The following MAN1A1 variants were observed in gnomAD, a reference collection of about 807,000 sequenced individuals.
The protein encoded by MAN1A1 is mannosyl-oligosaccharide 1,2-alpha-mannosidase IA.
Under a neutral mutation model 70.8 loss-of-function variants are expected in MAN1A1, and 29 were observed. That is an observed-to-expected ratio of 0.41 (90% CI 0.31 to 0.56). The LOEUF is 0.56. MAN1A1 is among the 20% of genes least tolerant of loss of function. The pLI is 0.29. For missense variants in MAN1A1, 747 were observed against 841.3 expected (o/e 0.89, Z 1.39); for synonymous variants, 349 against 330.1 (o/e 1.06, Z -0.62).
At chr6:119,232,234 G>A (rs1263405150) in intron 6 of MAN1A1, among the ~76,000 whole-genome samples, 1 of 151,912 alleles carries the variant, frequency 6.6e-6, no homozygotes, top group Admixed American at 6.6e-5. Flanking sequence ...TTAGCCGGGC[G>A]TGGTGGTGGG....
At chr6:119,219,542 T>A (rs1466629933) in intron 6 of MAN1A1, among the ~76,000 whole-genome samples, 1 of 152,086 alleles carries the variant, frequency 6.6e-6, no homozygotes, top group African/African-American at 2.4e-5. Context: ...AACATTTTTA[T>A]CTTTTTGGAT....
intron 6 of MAN1A1, among the ~76,000 whole-genome samples, chr6:119,211,844 A>ATTT (rs572097707): frequency 2.8e-5 from 4 of 141,614 alleles, no homozygotes; most frequent in African/African-American, 7.7e-5. Context: ...AATAGTAGGA[A>ATTT]TTTTTTTTTT....
rs1337604407 is a variant in MAN1A1 at position 119,179,368 on chromosome 6, A to G, written c.*451T>C. The G allele has an allele frequency of 6.5e-6, 1 of 153,376 alleles. No individual in the cohort carries two copies. The highest frequency in any genetic ancestry group is 1.5e-5 in the Non-Finnish European group (1 of 68,540). 9.5% of individuals were successfully genotyped at this position (153,376 alleles called of 1,614,324 possible). ...TGGTGGACAGACAAACCAGATTAAC[A>G]TGAAATTGTAAAGGAAAAAGCTTTT... On this transcript the variant is annotated 3_prime_UTR_variant, in exon 13 of 13. Coordinates refer to ENST00000368468, the MANE Select transcript of MAN1A1 (RefSeq NM_005907.4).
intron 7 of MAN1A1, among the ~76,000 whole-genome samples, chr6:119,203,343 G>A (rs1038546885): frequency 3.9e-5 from 6 of 152,010 alleles, no homozygotes; most frequent in African/African-American, 9.7e-5. Context: ...AAGAGCACTC[G>A]GAACAGAGAG....
At chr6:119,269,282 G>A in intron 5 of MAN1A1, 1 of 291,336 alleles carries the variant, frequency 3.4e-6, no homozygotes, top group Non-Finnish European at 6.8e-6. Flanking sequence ...GGCTGTCACT[G>A]CCTGGTACTT....
At chr6:119,318,007 T>C (rs546517882) in intron 2 of MAN1A1, among the ~76,000 whole-genome samples, 2 of 152,324 alleles carry the variant, frequency 1.3e-5, no homozygotes, top group African/African-American at 4.8e-5. Flanking sequence ...AATCCTTTCA[T>C]ACTGCTGATA....
At chr6:119,302,135 A>G (rs1318513508) in intron 3 of MAN1A1, 32 bp from the exon 4 acceptor site, 1 of 1,082,060 alleles carries the variant, frequency 9.2e-7, no homozygotes, top group Admixed American at 1.9e-5. Flanking sequence ...TTGATAAAAT[A>G]CTTTGCCTAG....
intron 2 of MAN1A1, among the ~76,000 whole-genome samples, chr6:119,319,717 C>A (rs900296672): frequency 2.6e-5 from 4 of 152,180 alleles, no homozygotes; most frequent in Non-Finnish European, 5.9e-5. Context: ...ATTTACCCCA[C>A]AACCAAACCT....
intron 5 of MAN1A1, among the ~76,000 whole-genome samples, chr6:119,289,218 C>T (rs753384042): frequency 5.3e-5 from 8 of 151,598 alleles, no homozygotes; most frequent in Non-Finnish European, 1.2e-4. Flanking sequence ...CTTTATTATC[C>T]TAATTGAGCC....
intron 7 of MAN1A1, among the ~76,000 whole-genome samples, chr6:119,202,159 C>T (rs958141871): frequency 9.2e-5 from 14 of 152,086 alleles, no homozygotes; most frequent in African/African-American, 3.1e-4. Context: ...TTTGTAATAA[C>T]CATTAGCTTA....
At chr6:119,204,911 T>C (rs750817778) in intron 6 of MAN1A1, 29 bp from the exon 7 acceptor site, 1 of 1,607,524 alleles carries the variant, frequency 6.2e-7, no homozygotes, top group South Asian at 1.1e-5. Flanking sequence ...CGAAGAGTTA[T>C]GGGTCAGATT....
At chr6:119,285,785 T>G (rs1259043395) in intron 5 of MAN1A1, among the ~76,000 whole-genome samples, 1 of 152,198 alleles carries the variant, frequency 6.6e-6, no homozygotes, top group African/African-American at 2.4e-5. Context: ...AATGTATTTC[T>G]GGTGGATCCA....
Position 119,185,844 on chromosome 6 carries a change from GTTTTTTTTT to G in MAN1A1, c.1719+2552_1719+2560del, listed in dbSNP as rs63362861. On this transcript the variant is annotated intron_variant, in intron 11 of 12. Coordinates refer to ENST00000368468, the MANE Select transcript of MAN1A1 (RefSeq NM_005907.4). Reference sequence around the variant, plus strand: ...ATGATCCACCCACTTTGGCCTCCCAGTTTTTTTTTTTTTTTTTTTTTAAATATAAATCTA... The same window carrying G: ...ATGATCCACCCACTTTGGCCTCCCAGTTTTTTTTTTTTAAATATAAATCTA... Among the ~76,000 whole-genome samples, 3 of 132,162 alleles carry G rather than the reference GTTTTTTTTT, an allele frequency of 2.3e-5. No homozygotes were observed. In the South Asian group the frequency reaches 7.7e-4, roughly 34 times the overall value. The allele number at this position is 132,162 out of a possible 152,430, so 86.7% of individuals were successfully genotyped here.
chr6:119,220,914 A>G (rs566343056), intron 6 of MAN1A1, among the ~76,000 whole-genome samples: 54 of 152,306 alleles, frequency 3.5e-4, no homozygotes, highest in African/African-American at 1.3e-3. Flanking sequence ...AAAACCCAAT[A>G]TGTACAAAAC....
At chr6:119,260,976 G>GCTTTTTTTTTTTTTTTTT (rs1554209499) in intron 5 of MAN1A1, among the ~76,000 whole-genome samples, 1 of 116,942 alleles carries the variant, frequency 8.6e-6, no homozygotes, top group Non-Finnish European at 1.7e-5. Context: ...TTTTTTTATT[G>GCTTTTTTTTTTTTTTTTT]TTTTTTTTTT....
rs139440704 is a variant in MAN1A1, at chr6:119,334,972, T to G, written c.603+13491A>C. Reference sequence around the variant, plus strand: ...GAAGTCAGAAGTAACTGGACACTGATGAATGAATGAGGAACCACTCCATTC... The same window carrying G: ...GAAGTCAGAAGTAACTGGACACTGAGGAATGAATGAGGAACCACTCCATTC... On this transcript the variant is annotated intron_variant, in intron 2 of 12. Transcript: ENST00000368468. Among the ~76,000 whole-genome samples, 6 of 152,324 alleles carry G rather than the reference T, an allele frequency of 3.9e-5. No homozygotes were observed. The East Asian group carries it at 1.2e-3, about 29-fold the overall frequency.
In MAN1A1 at chr6:119,348,718, G is replaced by A; in HGVS notation, c.348C>T (p.Ala116=). The change falls in exon 2 of 13, where the codon GCC becomes GCT. Residue 116 remains alanine, a synonymous_variant. Coordinates refer to ENST00000368468, the MANE Select transcript of MAN1A1 (RefSeq NM_005907.4). The stretch of plus-strand genomic sequence containing the variant: ...GGATCCTGGCCAAGTTGTCCTCCAG[G>A]GCGGCCTCCGGGTCCCCGGGTGCCC... The part of the protein sequence containing the change: ...EEGAPGDPEA[A]LEDNLARIRE... The A allele has an allele frequency of 6.3e-7, 1 of 1,592,092 alleles. No homozygotes were observed. Among genetic ancestry groups the A allele is most frequent in the South Asian group, 1.1e-5 (1 of 88,558 alleles).
intron 5 of MAN1A1, among the ~76,000 whole-genome samples, chr6:119,254,964 T>C (rs915006753): frequency 4.6e-5 from 7 of 152,226 alleles, no homozygotes; most frequent in South Asian, 2.1e-4. Context: ...ATCAGTCTTA[T>C]TGCTGTTTTT....
chr6:119,226,100 T>C (rs1346475033), intron 6 of MAN1A1, among the ~76,000 whole-genome samples: 3 of 152,204 alleles, frequency 2.0e-5, no homozygotes, highest in African/African-American at 7.2e-5. Context: ...TGAAATACAA[T>C]ACTAACTCTA....
Sources: gnomAD v4.1 joint callset for allele counts (sites outside exome capture counted in the v4.1 genomes callset) on GRCh38, gnomAD v4.1.1 for gene constraint, MANE v1.5 for transcripts, NCBI Gene and HGNC (gene_info 2026-07-23, HGNC 2026-07-21) for gene names.